The following BCKDHB variants were observed in gnomAD, a reference collection of about 807,000 sequenced individuals.
The protein encoded by BCKDHB is branched chain keto acid dehydrogenase E1 subunit beta.
A neutral mutation model predicts 48.5 loss-of-function variants in BCKDHB; 41 were observed. The observed-to-expected ratio is 0.85, with a 90% CI of 0.66 to 1.10. The LOEUF is 1.10. Among genes scored for constraint, BCKDHB ranks in the 50% least tolerant of loss-of-function variants. The probability of loss-of-function intolerance (pLI) is 0.00; values close to 1 mark genes in which losing one functional copy is unlikely to be tolerated. For synonymous variants in BCKDHB, 201 were observed against 174.8 expected (o/e 1.15, Z -1.18); for missense variants, 496 against 494.2 (o/e 1.00, Z -0.03).
chr6:80,439,975 C>G, the BCKDHB span, among the ~76,000 whole-genome samples: 1 of 152,134 alleles, frequency 6.6e-6, no homozygotes, highest in Admixed American at 6.5e-5. Flanking sequence ...GAGATGAAGT[C>G]AGAGAACTTT....
intron 8 of BCKDHB, among the ~76,000 whole-genome samples, chr6:80,225,344 T>C (rs959720155): frequency 1.3e-5 from 2 of 152,208 alleles, no homozygotes; most frequent in Admixed American, 1.3e-4. Context: ...AGATAGTTTC[T>C]TGGCATTGGA....
chr6:80,305,321 G>T (rs1282334548), intron 9 of BCKDHB, among the ~76,000 whole-genome samples: 1 of 151,938 alleles, frequency 6.6e-6, no homozygotes, highest in South Asian at 2.1e-4. Context: ...AAAAGACTAT[G>T]TTCACAGATA....
chr6:80,171,462 A>G (rs967385296), intron 6 of BCKDHB, 72 bp downstream of exon 6: 3 of 892,274 alleles, frequency 3.4e-6, no homozygotes, highest in African/African-American at 1.7e-5. Flanking sequence ...TAAAAGTTAT[A>G]TCTTTTTTTT....
chr6:80,243,324 G>A (rs1335799846), intron 8 of BCKDHB, among the ~76,000 whole-genome samples: 1 of 152,166 alleles, frequency 6.6e-6, no homozygotes, highest in Non-Finnish European at 1.5e-5. Context: ...CCCAATCAGG[G>A]GGAAGAGGGA....
intron 8 of BCKDHB, among the ~76,000 whole-genome samples, chr6:80,265,854 T>C (rs912272058): frequency 6.6e-6 from 1 of 152,132 alleles, no homozygotes; most frequent in Non-Finnish European, 1.5e-5. Flanking sequence ...GGAATGATAA[T>C]GACAGTGGTC....
chr6:80,275,948 A>G (rs1424421134), intron 9 of BCKDHB, among the ~76,000 whole-genome samples: 1 of 151,912 alleles, frequency 6.6e-6, no homozygotes, highest in Non-Finnish European at 1.5e-5. Context: ...TTTGGGGTAT[A>G]TTTTTTAAGG....
the BCKDHB span, among the ~76,000 whole-genome samples, chr6:80,401,371 T>TC: frequency 1.8e-3 from 269 of 151,794 alleles, 1 homozygote; most frequent in African/African-American, 5.9e-3. Flanking sequence ...CTTCTGTAGA[T>TC]CCCCCCGACC....
chr6:80,413,184 T>C, the BCKDHB span, among the ~76,000 whole-genome samples: 1 of 152,188 alleles, frequency 6.6e-6, no homozygotes, highest in Non-Finnish European at 1.5e-5. Context: ...GGGCTTTCTT[T>C]ACTCCTTTTT....
chr6:80,379,212 CCAA>C, the BCKDHB span, among the ~76,000 whole-genome samples: 1 of 151,950 alleles, frequency 6.6e-6, no homozygotes, highest in Non-Finnish European at 1.5e-5. Context: ...CAAACTGAAT[CCAA>C]CAGAACATAA....
chr6:80,378,382 C>T, the BCKDHB span, among the ~76,000 whole-genome samples: 1 of 152,102 alleles, frequency 6.6e-6, no homozygotes, highest in African/African-American at 2.4e-5. Flanking sequence ...TGGCCTCCAG[C>T]TCCATCTAGG....
At chr6:80,445,822 C>G in the BCKDHB span, among the ~76,000 whole-genome samples, 1 of 152,150 alleles carries the variant, frequency 6.6e-6, no homozygotes, top group Non-Finnish European at 1.5e-5. Context: ...TATACACATT[C>G]ATTTTATTAT....
At chr6:80,150,666 C>G (rs1256122588) in intron 3 of BCKDHB, among the ~76,000 whole-genome samples, 2 of 149,678 alleles carry the variant, frequency 1.3e-5, no homozygotes, top group African/African-American at 4.9e-5. Flanking sequence ...AAGTGATTCT[C>G]CTGCCTCAGC....
the BCKDHB span, among the ~76,000 whole-genome samples, chr6:80,454,895 C>T: frequency 2.6e-5 from 4 of 152,160 alleles, no homozygotes; most frequent in African/African-American, 7.2e-5. Context: ...TGAACTTTCC[C>T]GCCCATACAT....
In BCKDHB at chr6:80,260,264, A is replaced by G. The variant is rs575433044; in HGVS notation, c.952-12871A>G. Among the ~76,000 whole-genome samples the G allele has an allele frequency of 9.9e-5, 15 of 152,120 alleles. No homozygotes were observed. The South Asian group carries it at 1.5e-3, about 15-fold the overall frequency. ...AATACAATCTTACCATTTATCTTTT[A>G]TGTAATGTTTTGAGAAAACTGTATT... On this transcript the variant is annotated intron_variant, in intron 8 of 9. Transcript: ENST00000320393.
chr6:80,316,358 A>T (rs951785448), intron 9 of BCKDHB, among the ~76,000 whole-genome samples: 1 of 147,320 alleles, frequency 6.8e-6, no homozygotes, highest in Admixed American at 7.1e-5. Flanking sequence ...CAAAATATTC[A>T]GTGAAACTCA....
At chr6:80,143,272 A>G (rs1465523751) in intron 3 of BCKDHB, among the ~76,000 whole-genome samples, 2 of 152,152 alleles carry the variant, frequency 1.3e-5, no homozygotes, top group Non-Finnish European at 2.9e-5. Flanking sequence ...ACCTGAAGTC[A>G]CTTAACTGTC....
chr6:80,308,078 TATAAA>T (rs1169466182), intron 9 of BCKDHB: 6 of 298,998 alleles, frequency 2.0e-5, no homozygotes, highest in Non-Finnish European at 3.0e-5. Context: ...TTAATTATAA[TATAAA>T]ATAAAATAAG....
chr6:80,236,843 ACTT>A (rs1425675893), intron 8 of BCKDHB, among the ~76,000 whole-genome samples: 1 of 152,192 alleles, frequency 6.6e-6, no homozygotes. Context: ...TGTTATTATC[ACTT>A]CTTGGAAAAA....
the BCKDHB span, among the ~76,000 whole-genome samples, chr6:80,434,563 G>A: frequency 5.3e-5 from 8 of 151,826 alleles, no homozygotes; most frequent in Non-Finnish European, 8.8e-5. Context: ...ATTAAATACT[G>A]TTTTTTATTT....
Sources: allele counts gnomAD v4.1 joint callset (sites outside exome capture counted in the v4.1 genomes callset), GRCh38; gene constraint gnomAD v4.1.1; transcripts MANE v1.5; gene names NCBI Gene and HGNC (gene_info 2026-07-23, HGNC 2026-07-21).